Variants in GNAL observed in about 807,000 individuals in gnomAD.
GNAL encodes G protein subunit alpha L, also known as guanine nucleotide-binding protein G(olf) subunit alpha.
GNAL carries 18 observed loss-of-function variants against 55.1 expected under a neutral mutation model. That is an observed-to-expected ratio of 0.33 (90% CI 0.23 to 0.48). The LOEUF (loss-of-function observed/expected upper bound fraction) is 0.48, where lower values mean the gene tolerates loss of function less well. GNAL is among the 20% of genes least tolerant of loss of function. GNAL has a pLI of 0.99. For missense variants in GNAL, 412 were observed against 614.1 expected, an observed-to-expected ratio of 0.67 and a Z score of 3.48; for synonymous variants, 253 against 237.0, an observed-to-expected ratio of 1.07 and a Z score of -0.62.
chr18:11,885,636 C>T lies in GNAL; in HGVS notation c.*4501C>T. 6 of 1,591,272 alleles carry T rather than the reference C, an allele frequency of 3.8e-6. No individual in the cohort carries two copies. The Middle Eastern group carries it at 5.1e-4, about 134-fold the overall frequency. ...GTTGATTACTGTGTTGATTTAAATA[C>T]TTATGAAAGCTTTCAGACAAAAATA... is the stretch of plus-strand genomic sequence containing the variant. On this transcript the variant is annotated 3_prime_UTR_variant, in exon 12 of 12. Coordinates refer to ENST00000334049, the MANE Select transcript of GNAL (RefSeq NM_182978.4).
At chr18:11,732,183 G>T (rs532229237) in intron 1 of GNAL, among the ~76,000 whole-genome samples, 1 of 152,200 alleles carries the variant, frequency 6.6e-6, no homozygotes, top group African/African-American at 2.4e-5. Flanking sequence ...ATTTCTCTTG[G>T]GTATTACCAA....
rs1009754506 is a variant in GNAL at position 11,883,761 on chromosome 18, A to C, written c.*2626A>C. 1 of 151,946 alleles carries C rather than the reference A, an allele frequency of 6.6e-6. No individual in the cohort carries two copies. The highest frequency in any genetic ancestry group is 2.4e-5 in the African/African-American group (1 of 41,314). 9.4% of individuals were successfully genotyped at this position (151,946 alleles called of 1,614,324 possible). On this transcript the variant is annotated 3_prime_UTR_variant, in exon 12 of 12. Transcript: ENST00000334049. ...GCCCAGGCTGGAGTGCAGTGGCATG[A>C]TCTTGGCTCACTGCAACCTCCGCCT...
intron 1 of GNAL, among the ~76,000 whole-genome samples, chr18:11,730,031 C>CTTTTTTTTT (rs1431492708): frequency 2.0e-5 from 3 of 151,544 alleles, no homozygotes; most frequent in African/African-American, 7.3e-5. Flanking sequence ...TTTTTCTTTT[C>CTTTTTTTTT]TTTTCTTTTC....
chr18:11,752,155 A>G lies in GNAL; in HGVS notation c.377-698A>G, dbSNP rs2032865010. On this transcript the variant is annotated intron_variant, in intron 1 of 11. Transcript: ENST00000334049. The surrounding 1 kb of genome is among the most constrained non-coding windows in gnomAD (Gnocchi z 4.5). ...GCGCCCTCGCCCCCCGTCTCCGTTCATTGTGCTGTATTCATCCAGCAGATT... is the reference window on the plus strand; with the variant it reads ...GCGCCCTCGCCCCCCGTCTCCGTTCGTTGTGCTGTATTCATCCAGCAGATT... 2 of 291,340 alleles carry G rather than the reference A, an allele frequency of 6.9e-6. No individual in the cohort carries two copies. The highest frequency in any genetic ancestry group is 1.2e-5 in the Non-Finnish European group (2 of 170,904). 18.0% of individuals were successfully genotyped at this position (291,340 alleles called of 1,614,324 possible). A position where few individuals can be genotyped will look rare whatever the true frequency, so the allele number is the denominator to read the frequency against.
At chr18:11,808,975 G>A (rs1317773470) in intron 4 of GNAL, among the ~76,000 whole-genome samples, 1 of 152,220 alleles carries the variant, frequency 6.6e-6, no homozygotes, top group Non-Finnish European at 1.5e-5. Context: ...AGAAAGGAGG[G>A]ACCAGGCATG....
chr18:11,842,037 A>G (rs936229916), intron 5 of GNAL, among the ~76,000 whole-genome samples: 1 of 151,898 alleles, frequency 6.6e-6, no homozygotes, highest in Non-Finnish European at 1.5e-5. Context: ...CAATGGTGCA[A>G]TCTCGACTCA....
chr18:11,807,195 A>C (rs560804895), intron 4 of GNAL, among the ~76,000 whole-genome samples: 5 of 152,122 alleles, frequency 3.3e-5, no homozygotes, highest in South Asian at 4.1e-4. Flanking sequence ...AACAACCTCC[A>C]GCTCTACATC....
At chr18:11,703,971 C>T (rs2031645145) in intron 1 of GNAL, among the ~76,000 whole-genome samples, 1 of 152,152 alleles carries the variant, frequency 6.6e-6, no homozygotes. Context: ...CAGCCTTTCC[C>T]TTCACCTAAA....
At chr18:11,855,438 T>A (rs1269956674) in intron 5 of GNAL, among the ~76,000 whole-genome samples, 2 of 152,212 alleles carry the variant, frequency 1.3e-5, no homozygotes, top group African/African-American at 4.8e-5. Flanking sequence ...AGTGCACAAT[T>A]TCTAACATGG....
chr18:11,801,489 C>G (rs1342887809), intron 4 of GNAL, among the ~76,000 whole-genome samples: 1 of 152,090 alleles, frequency 6.6e-6, no homozygotes, highest in Admixed American at 6.6e-5. Flanking sequence ...GGAGGCGGAC[C>G]TTACAGGTCA....
chr18:11,852,216 C>A, intron 5 of GNAL: 1 of 1,349,800 alleles, frequency 7.4e-7, no homozygotes, highest in Non-Finnish European at 9.9e-7. Context: ...CGCCAGAATG[C>A]TGAAATGCCC....
intron 5 of GNAL, chr18:11,857,156 T>A (rs2036027144): frequency 6.6e-6 from 1 of 152,034 alleles, no homozygotes; most frequent in South Asian, 2.1e-4. Flanking sequence ...CAAGAACACT[T>A]AAGATCAGGA....
intron 4 of GNAL, among the ~76,000 whole-genome samples, chr18:11,755,518 A>T (rs989190034): frequency 6.6e-6 from 1 of 151,614 alleles, no homozygotes; most frequent in Non-Finnish European, 1.5e-5. Context: ...CTCATGATCC[A>T]CCCGCCTCGG....
intron 1 of GNAL, among the ~76,000 whole-genome samples, chr18:11,740,566 A>G (rs550670327): frequency 6.6e-6 from 1 of 152,196 alleles, no homozygotes; most frequent in Non-Finnish European, 1.5e-5. Context: ...TTTAAAAATC[A>G]TGAGCTCATA....
chr18:11,865,755 TAAA>T (rs777122802), intron 7 of GNAL, among the ~76,000 whole-genome samples: 16 of 81,214 alleles, frequency 2.0e-4, no homozygotes, highest in Admixed American at 4.0e-4. Context: ...ACCCTGTCTC[TAAA>T]AAAAAAAAAA....
At chr18:11,766,965 T>C (rs1043530657) in intron 4 of GNAL, among the ~76,000 whole-genome samples, 1 of 152,220 alleles carries the variant, frequency 6.6e-6, no homozygotes, top group Admixed American at 6.5e-5. Context: ...AGGTCCTTGC[T>C]ACATGTCATC....
intron 10 of GNAL, 32 bp from the exon 11 acceptor site, chr18:11,876,589 C>T (rs1209470746): frequency 7.4e-7 from 1 of 1,352,066 alleles, no homozygotes; most frequent in Admixed American, 1.7e-5. Flanking sequence ...TTTCATGTTG[C>T]TTAAATAAAG....
At chr18:11,813,644 T>C (rs937539249) in intron 4 of GNAL, among the ~76,000 whole-genome samples, 1 of 152,246 alleles carries the variant, frequency 6.6e-6, no homozygotes, top group Non-Finnish European at 1.5e-5. Flanking sequence ...AGTATAGTGC[T>C]AGCATGAGGA....
intron 5 of GNAL, among the ~76,000 whole-genome samples, chr18:11,833,124 C>T (rs2143695200): frequency 6.6e-6 from 1 of 151,818 alleles, no homozygotes; most frequent in Non-Finnish European, 1.5e-5. Context: ...CTCAGCCTCC[C>T]AGGTTCAAGA....
Sources: gnomAD v4.1 joint callset for allele counts (sites outside exome capture counted in the v4.1 genomes callset) on GRCh38, gnomAD v4.1.1 for gene constraint, Gnocchi (gnomAD v3.1) non-coding constraint, MANE v1.5 for transcripts, NCBI Gene and HGNC (gene_info 2026-07-23, HGNC 2026-07-21) for gene names.